PTPRN2: variants seen among roughly 807,000 people sequenced by gnomAD.
PTPRN2 encodes the protein receptor-type tyrosine-protein phosphatase N2.
A neutral mutation model predicts 118.8 loss-of-function variants in PTPRN2; 74 were observed. The ratio of observed to expected loss-of-function variants is 0.62; its 90% confidence interval spans 0.52 to 0.76. The LOEUF (loss-of-function observed/expected upper bound fraction) is 0.76, where lower values mean the gene tolerates loss of function less well. Ranked by LOEUF, PTPRN2 falls within the 30% of genes least tolerant of loss-of-function variation. The probability of loss-of-function intolerance (pLI) is 0.00; values close to 1 mark genes in which losing one functional copy is unlikely to be tolerated. For synonymous variants in PTPRN2, 641 were observed against 608.0 expected, an observed-to-expected ratio of 1.05 and a Z score of -0.80; for missense variants, 1,481 against 1,394.4, an observed-to-expected ratio of 1.06 and a Z score of -0.99.
intron 12 of PTPRN2, among the ~76,000 whole-genome samples, chr7:157,800,098 T>TCA (rs1379673409): frequency 8.4e-6 from 1 of 119,372 alleles, no homozygotes; most frequent in African/African-American, 3.2e-5. Flanking sequence ...CCTCCATCCC[T>TCA]GAGGCACCAC....
chr7:157,649,835 C>T (rs1408119693), intron 14 of PTPRN2, among the ~76,000 whole-genome samples: 8 of 149,058 alleles, frequency 5.4e-5, no homozygotes, highest in African/African-American at 2.0e-4. Context: ...GACCCATTCA[C>T]TGTGCACTGA....
At chr7:157,882,148 G>A (rs566434061) in intron 12 of PTPRN2, among the ~76,000 whole-genome samples, 12 of 151,986 alleles carry the variant, frequency 7.9e-5, no homozygotes, top group Non-Finnish European at 1.2e-4. Flanking sequence ...TCGAAGAACA[G>A]AACATGCCAC....
At chr7:157,913,269 G>A (rs781267319) in intron 11 of PTPRN2, among the ~76,000 whole-genome samples, 18 of 152,038 alleles carry the variant, frequency 1.2e-4, no homozygotes, top group Non-Finnish European at 2.4e-4. Context: ...TTCATATACA[G>A]CACCCTTCCT....
chr7:158,569,868 GCGGGGCGCGAGGCCGCCTGACAGGAACT>G lies in PTPRN2; in HGVS notation c.112+17662_112+17689del, dbSNP rs1295711290. Among the ~76,000 whole-genome samples, 235 of 150,954 alleles carry G rather than the reference GCGGGGCGCGAGGCCGCCTGACAGGAACT, an allele frequency of 1.6e-3. 1 individual carries two copies. Among genetic ancestry groups the G allele is most frequent in the African/African-American group, 4.4e-3 (179 of 41,132 alleles). ...GCGAGGCCGCCTGACTGACAGGAAC[GCGGGGCGCGAGGCCGCCTGACAGGAACT>G]CGGGGCGCGAGGCCGCCTGACAGGA... On this transcript the variant is annotated intron_variant, in intron 1 of 22. Transcript: ENST00000389418.
chr7:157,928,817 G>A (rs902024836), intron 11 of PTPRN2, among the ~76,000 whole-genome samples: 84 of 140,050 alleles, frequency 6.0e-4, no homozygotes, highest in African/African-American at 1.9e-3. Context: ...AGGAGAAAGG[G>A]CAGGGCAGAG....
chr7:158,270,036 T>A (rs1035408242), intron 3 of PTPRN2, among the ~76,000 whole-genome samples: 2 of 152,238 alleles, frequency 1.3e-5, no homozygotes, highest in African/African-American at 4.8e-5. Flanking sequence ...CTGCCTGACC[T>A]GCAATCTGCC....
chr7:158,267,684 C>G (rs1240868596), intron 3 of PTPRN2, among the ~76,000 whole-genome samples: 1 of 152,168 alleles, frequency 6.6e-6, no homozygotes, highest in Non-Finnish European at 1.5e-5. Context: ...TGCAGGCCTT[C>G]TCTCTCACCT....
chr7:158,289,492 G>A (rs1597900), intron 3 of PTPRN2, among the ~76,000 whole-genome samples: 145,846 of 152,298 alleles, frequency 0.96, 69,892 homozygotes, highest in African/African-American at 0.98. Flanking sequence ...CACATCCAGA[G>A]TTTCTAGAAT....
chr7:158,258,059 G>A (rs559990337), intron 3 of PTPRN2, among the ~76,000 whole-genome samples: 9 of 152,362 alleles, frequency 5.9e-5, no homozygotes, highest in Admixed American at 3.3e-4. Context: ...CTCTGCTTCA[G>A]GTAAGATAAC....
intron 11 of PTPRN2, among the ~76,000 whole-genome samples, chr7:158,002,488 A>G (rs1004731009): frequency 6.6e-6 from 1 of 152,154 alleles, no homozygotes; most frequent in African/African-American, 2.4e-5. Flanking sequence ...GCGCCTCGTG[A>G]GCCGGATGGC....
At chr7:157,935,413 C>T (rs148989506) in intron 11 of PTPRN2, among the ~76,000 whole-genome samples, 39 of 152,282 alleles carry the variant, frequency 2.6e-4, no homozygotes, top group African/African-American at 6.5e-4. Context: ...GTCTCTGATC[C>T]GCTGTAAAGC....
At chr7:157,662,726 T>G (rs1795952608) in intron 13 of PTPRN2, among the ~76,000 whole-genome samples, 1 of 152,290 alleles carries the variant, frequency 6.6e-6, no homozygotes, top group East Asian at 1.9e-4. Context: ...CCCTACAGCC[T>G]CCTGGGTGGG....
intron 3 of PTPRN2, among the ~76,000 whole-genome samples, chr7:158,217,648 G>C (rs530487984): frequency 6.6e-6 from 1 of 152,288 alleles, no homozygotes; most frequent in Admixed American, 6.5e-5. Flanking sequence ...TCAGAGTCTA[G>C]ATGGCAAGGA....
chr7:158,289,882 G>T (rs562462196), intron 3 of PTPRN2, among the ~76,000 whole-genome samples: 5 of 152,202 alleles, frequency 3.3e-5, no homozygotes, highest in African/African-American at 1.2e-4. Flanking sequence ...ATGCTCCATA[G>T]GTAGGCTTGC....
At position 157,949,163 on chromosome 7, in the gene PTPRN2, T is replaced by G. The variant is rs1585070431; in HGVS notation, c.1724-50426A>C. On this transcript the variant is annotated intron_variant, in intron 11 of 22. Coordinates refer to ENST00000389418, the MANE Select transcript of PTPRN2 (RefSeq NM_002847.5). ...CATTTAAGATAAGGTATACTTTGTATGTAAGATAAGGGATATATGCTGTCG... is the reference window on the plus strand; with the variant it reads ...CATTTAAGATAAGGTATACTTTGTAGGTAAGATAAGGGATATATGCTGTCG... 2.6e-5 allele frequency among the ~76,000 whole-genome samples: 4 copies of G among 152,320 alleles called. No homozygotes were observed. In the South Asian group the frequency reaches 8.3e-4, roughly 32 times the overall value.
At chr7:158,146,816 C>T (rs867522041) in intron 6 of PTPRN2, among the ~76,000 whole-genome samples, 1 of 151,940 alleles carries the variant, frequency 6.6e-6, no homozygotes, top group Admixed American at 6.5e-5. Flanking sequence ...AGCACAGACA[C>T]ACTAAAATGT....
rs1826322752 is a variant in PTPRN2 at position 158,546,905 on chromosome 7, A to T, written c.112+40653T>A. ...CTCACGCATGCTGGGCAGCCTGGGC[A>T]CCTGGGGCAGGGCTGGGGGACAGCC... On this transcript the variant is annotated intron_variant, in intron 1 of 22. Transcript: ENST00000389418. This position sits in a 1 kb window ranked among gnomAD's most constrained non-coding sequence, Gnocchi z 5.0. Among the ~76,000 whole-genome samples, 1 of 152,162 alleles carries T rather than the reference A, an allele frequency of 6.6e-6. No homozygotes were observed. Among genetic ancestry groups the T allele is most frequent in the Non-Finnish European group, 1.5e-5 (1 of 68,026 alleles).
chr7:157,977,799 G>T lies in PTPRN2; in HGVS notation c.1724-79062C>A, dbSNP rs1006056032. On this transcript the variant is annotated intron_variant, in intron 11 of 22. Transcript: ENST00000389418. This position sits in a 1 kb window ranked among gnomAD's most constrained non-coding sequence, Gnocchi z 4.6. ...CTTGAAGATCTAGTGACACCTAAGAGCTCCCTGTTGCTGCTGCTGGGGGAG... is the reference window on the plus strand; with the variant it reads ...CTTGAAGATCTAGTGACACCTAAGATCTCCCTGTTGCTGCTGCTGGGGGAG... Among the ~76,000 whole-genome samples, 1 of 151,816 alleles carries T rather than the reference G, an allele frequency of 6.6e-6. No individual in the cohort carries two copies. The highest frequency in any genetic ancestry group is 2.4e-5 in the African/African-American group (1 of 41,388).
At position 158,163,394 on chromosome 7, in the gene PTPRN2, A is replaced by ACGCC. The variant is rs1822550899; in HGVS notation, c.910+3536_910+3537insGGCG. Among the ~76,000 whole-genome samples, 9 of 142,642 alleles carry ACGCC rather than the reference A, an allele frequency of 6.3e-5. 1 individual carries two copies. Among genetic ancestry groups the ACGCC allele is most frequent in the South Asian group, 2.3e-4 (1 of 4,360 alleles). 93.6% of individuals were successfully genotyped at this position (142,642 alleles called of 152,430 possible). A position where few individuals can be genotyped will look rare whatever the true frequency, so the allele number is the denominator to read the frequency against. Reference sequence around the variant, plus strand: ...ATATTCTCTGCGTGTTTCATAGGTGATGCCTGCACGGGGTTCTCAATATTC... The same window carrying ACGCC: ...ATATTCTCTGCGTGTTTCATAGGTGACGCCTGCCTGCACGGGGTTCTCAATATTC... On this transcript the variant is annotated intron_variant, in intron 6 of 22. Transcript: ENST00000389418.
Sources: allele counts gnomAD v4.1 joint callset (sites outside exome capture counted in the v4.1 genomes callset), GRCh38; gene constraint gnomAD v4.1.1; non-coding constraint Gnocchi (gnomAD v3.1); transcripts MANE v1.5; gene names NCBI Gene and HGNC (gene_info 2026-07-23, HGNC 2026-07-21).